Variants in AIMP1 observed in about 807,000 individuals in gnomAD.
AIMP1 encodes aminoacyl tRNA synthetase complex interacting multifunctional protein 1.
In AIMP1, 24 loss-of-function variants were observed where a neutral mutation model predicts 33.1. The ratio of observed to expected loss-of-function variants is 0.73; its 90% CI spans 0.53 to 1.02. The LOEUF (loss-of-function observed/expected upper bound fraction) is 1.02, where lower values mean the gene tolerates loss of function less well. Among genes scored for constraint, AIMP1 ranks in the 50% least tolerant of loss-of-function variants. The pLI is 0.00. For missense variants in AIMP1, 367 were observed against 364.8 expected (o/e 1.01, Z -0.05); for synonymous variants, 120 against 121.5 (o/e 0.99, Z 0.08).
chr4:106,326,167 CTT>C (rs1380752728), intron 2 of AIMP1, among the ~76,000 whole-genome samples: 2 of 152,094 alleles, frequency 1.3e-5, no homozygotes, highest in African/African-American at 4.8e-5. Flanking sequence ...ACAGTCTACT[CTT>C]GATTTATGTG....
intron 5 of AIMP1, among the ~76,000 whole-genome samples, chr4:106,336,491 T>C (rs1409412105): frequency 6.6e-6 from 1 of 152,218 alleles, no homozygotes; most frequent in Non-Finnish European, 1.5e-5. Flanking sequence ...ATTTAATCCT[T>C]ATGACAACTC....
At chr4:106,322,308 A>G (rs2125919617) in intron 1 of AIMP1, among the ~76,000 whole-genome samples, 1 of 151,922 alleles carries the variant, frequency 6.6e-6, no homozygotes, top group East Asian at 1.9e-4. Flanking sequence ...AAAAAAAAAA[A>G]GTATAGAAAA....
rs571357716 is a variant in AIMP1 at position 106,340,398 on chromosome 4, T to C, written c.772+3361T>C. On this transcript the variant is annotated intron_variant, in intron 6 of 6. Transcript: ENST00000672341. ...GATCCCATCACCCAGGTAGTGAGCA[T>C]AGTACCTAATAGGTAATTTTAGAAC... Among the ~76,000 whole-genome samples, 27 of 152,254 alleles carry C rather than the reference T, an allele frequency of 1.8e-4. No homozygotes were observed. In the East Asian group the frequency reaches 3.1e-3, roughly 17 times the overall value.
chr4:106,329,059 T>C (rs955146193), intron 4 of AIMP1, among the ~76,000 whole-genome samples: 9 of 144,240 alleles, frequency 6.2e-5, no homozygotes, highest in Non-Finnish European at 1.4e-4. Context: ...TTTTTTTTTT[T>C]GGAAAATATA....
chr4:106,333,334 A>G (rs1391929511), intron 5 of AIMP1, among the ~76,000 whole-genome samples: 2 of 152,138 alleles, frequency 1.3e-5, no homozygotes, highest in Non-Finnish European at 1.5e-5. Context: ...ATTGCATCAA[A>G]TTGCACTTTT....
At chr4:106,331,108 G>A (rs940485706) in intron 4 of AIMP1, among the ~76,000 whole-genome samples, 3 of 152,172 alleles carry the variant, frequency 2.0e-5, no homozygotes, top group Non-Finnish European at 4.4e-5. Context: ...GTGTATATAA[G>A]TGAGGAGGAA....
chr4:106,317,130 A>T (rs1768965986), intron 1 of AIMP1, among the ~76,000 whole-genome samples: 1 of 152,186 alleles, frequency 6.6e-6, no homozygotes, highest in Non-Finnish European at 1.5e-5. Context: ...AGCAGGGAAG[A>T]AGGGTATAAA....
intron 5 of AIMP1, among the ~76,000 whole-genome samples, chr4:106,333,262 T>C (rs1178643999): frequency 6.6e-6 from 1 of 152,160 alleles, no homozygotes; most frequent in South Asian, 2.1e-4. Flanking sequence ...GTGTTACTTG[T>C]TTTTTCTGTC....
intron 1 of AIMP1, among the ~76,000 whole-genome samples, chr4:106,323,475 A>G (rs1039531171): frequency 6.6e-6 from 1 of 152,114 alleles, no homozygotes; most frequent in Non-Finnish European, 1.5e-5. Flanking sequence ...TCAAATGAAG[A>G]TACCACCTTT....
chr4:106,342,061 T>C (rs1770117410), intron 6 of AIMP1, among the ~76,000 whole-genome samples: 1 of 152,158 alleles, frequency 6.6e-6, no homozygotes, highest in African/African-American at 2.4e-5. Context: ...CCTATTGTAA[T>C]TGGGATTGTG....
intron 4 of AIMP1, among the ~76,000 whole-genome samples, chr4:106,331,016 A>C (rs1486335146): frequency 6.6e-6 from 1 of 152,322 alleles, no homozygotes; most frequent in East Asian, 1.9e-4. Context: ...ATCTGCTTAA[A>C]TAGTTACTGT....
chr4:106,328,311 G>A, intron 4 of AIMP1, 68 bp downstream of exon 4: 1 of 1,495,638 alleles, frequency 6.7e-7, no homozygotes, highest in Non-Finnish European at 9.0e-7. Flanking sequence ...TTTTGATAAT[G>A]ATAATAATAA....
intron 4 of AIMP1, among the ~76,000 whole-genome samples, chr4:106,329,944 G>T (rs1769611143): frequency 6.6e-6 from 1 of 151,818 alleles, no homozygotes; most frequent in Non-Finnish European, 1.5e-5. Flanking sequence ...CGCCATGCCT[G>T]GCTAATTTTT....
At chr4:106,332,258 A>G (rs1419053730) in intron 5 of AIMP1, among the ~76,000 whole-genome samples, 3 of 152,078 alleles carry the variant, frequency 2.0e-5, no homozygotes, top group African/African-American at 7.2e-5. Context: ...ATAAAGGAAT[A>G]CTATTAAAAA....
At chr4:106,341,636 G>C (rs11097927) in intron 6 of AIMP1, among the ~76,000 whole-genome samples, 22,707 of 151,766 alleles carry the variant, frequency 0.15, 1,823 homozygotes, top group South Asian at 0.25. Context: ...TTATCTTGTT[G>C]CATTTGTCTG....
chr4:106,331,838 A>G lies in AIMP1; in HGVS notation c.558A>G (p.Pro186=). 6.2e-7 allele frequency: 1 copy of G among 1,614,130 alleles called. No individual in the cohort carries two copies. Among genetic ancestry groups the G allele is most frequent in the Non-Finnish European group, 8.5e-7 (1 of 1,179,986 alleles). Residue 186 remains proline, a synonymous_variant, in exon 5 of 7, where the codon CCA becomes CCG. Coordinates refer to ENST00000672341, the MANE Select transcript of AIMP1 (RefSeq NM_001142416.2). ...VEEVDVGEIA[P]RTVVSGLVNH... is the part of the protein sequence containing the mutation. ...AAGTAGATGTCGGAGAAATAGCCCC[A>G]AGGACAGTTGTCAGTGGCCTGGTGA...
At chr4:106,321,828 A>T (rs948569920) in intron 1 of AIMP1, among the ~76,000 whole-genome samples, 5 of 152,244 alleles carry the variant, frequency 3.3e-5, no homozygotes, top group Non-Finnish European at 7.3e-5. Context: ...TAGACATAGG[A>T]GACTCCATTT....
At chr4:106,319,771 C>G (rs1403611279) in intron 1 of AIMP1, among the ~76,000 whole-genome samples, 1 of 152,016 alleles carries the variant, frequency 6.6e-6, no homozygotes, top group East Asian at 1.9e-4. Flanking sequence ...CTAGCATTTC[C>G]TAAACTGTTT....
intron 5 of AIMP1, among the ~76,000 whole-genome samples, chr4:106,333,388 T>C (rs1451773330): frequency 2.6e-5 from 4 of 152,194 alleles, no homozygotes; most frequent in African/African-American, 9.6e-5. Flanking sequence ...AATTTCAGCG[T>C]TGCTGGAACA....
Sources: allele counts gnomAD v4.1 joint callset (sites outside exome capture counted in the v4.1 genomes callset), GRCh38; gene constraint gnomAD v4.1.1; transcripts MANE v1.5; gene names NCBI Gene and HGNC (gene_info 2026-07-23, HGNC 2026-07-21).